The following SRPK2 variants were observed in gnomAD, a reference collection of about 807,000 sequenced individuals.
The protein encoded by SRPK2 is SFRS protein kinase 2.
In SRPK2, 21 loss-of-function variants were observed where a neutral mutation model predicts 90.8. The observed-to-expected ratio is 0.23, with a 90% CI of 0.16 to 0.33. SRPK2 has a LOEUF of 0.33. Ranked by LOEUF, SRPK2 falls within the 10% of genes least tolerant of loss-of-function variation. SRPK2 has a pLI of 1.00. For missense variants in SRPK2, 620 were observed against 869.0 expected (o/e 0.71, Z 3.60); for synonymous variants, 288 against 311.1 (o/e 0.93, Z 0.78).
intron 2 of SRPK2, among the ~76,000 whole-genome samples, chr7:105,265,705 C>T (rs1035371657): frequency 1.3e-5 from 2 of 151,980 alleles, no homozygotes; most frequent in African/African-American, 4.8e-5. Context: ...ACCGACTCTA[C>T]TATATTCAAG....
chr7:105,231,946 C>T (rs1272482188), intron 2 of SRPK2, among the ~76,000 whole-genome samples: 1 of 152,202 alleles, frequency 6.6e-6, no homozygotes, highest in Non-Finnish European at 1.5e-5. Flanking sequence ...TAACCTTGAA[C>T]TCCTGGGCTC....
intron 15 of SRPK2, among the ~76,000 whole-genome samples, chr7:105,118,979 G>A (rs1253397539): frequency 3.3e-5 from 5 of 152,086 alleles, no homozygotes; most frequent in Admixed American, 6.5e-5. Flanking sequence ...TGAATAACTC[G>A]TTTTCTCTGC....
chr7:105,212,192 A>G (rs1796940775), intron 2 of SRPK2, among the ~76,000 whole-genome samples: 1 of 152,220 alleles, frequency 6.6e-6, no homozygotes, highest in Admixed American at 6.5e-5. Context: ...AAATATTACT[A>G]CTGAAATGGA....
chr7:105,348,745 A>G (rs1408973182), intron 2 of SRPK2, among the ~76,000 whole-genome samples: 1 of 151,914 alleles, frequency 6.6e-6, no homozygotes, highest in Non-Finnish European at 1.5e-5. Context: ...TTTTCTAACC[A>G]AACTAGTTCT....
intron 7 of SRPK2, among the ~76,000 whole-genome samples, chr7:105,151,754 T>C (rs991853193): frequency 1.3e-5 from 2 of 151,212 alleles, no homozygotes; most frequent in African/African-American, 4.9e-5. Flanking sequence ...GCTGGCACGA[T>C]GGCTCACACC....
In SRPK2 at chr7:105,345,979, G is replaced by A. The variant is rs114773504; in HGVS notation, c.71+42669C>T. Reference sequence around the variant, plus strand: ...CTGTTCGGTAGCAAAGGTTTAAAACGTTACATACTTCCCTCTCTCTGCTGA... The same window carrying A: ...CTGTTCGGTAGCAAAGGTTTAAAACATTACATACTTCCCTCTCTCTGCTGA... On this transcript the variant is annotated intron_variant, in intron 2 of 15. Transcript: ENST00000393651. Among the ~76,000 whole-genome samples the A allele has an allele frequency of 2.8e-3, 429 of 152,286 alleles. 4 individuals carry two copies. Among genetic ancestry groups the A allele is most frequent in the African/African-American group, 9.9e-3 (412 of 41,554 alleles).
Position 105,199,227 on chromosome 7 carries a change from C to A in SRPK2, c.229+4401G>T, listed in dbSNP as rs555943043. Among the ~76,000 whole-genome samples, 9 of 152,234 alleles carry A rather than the reference C, an allele frequency of 5.9e-5. No individual in the cohort carries two copies. In the South Asian group the frequency reaches 1.0e-3, roughly 18 times the overall value. On this transcript the variant is annotated intron_variant, in intron 3 of 15. Coordinates refer to ENST00000393651, the MANE Select transcript of SRPK2 (RefSeq NM_182692.3). ...CACAGGTGACTTCTGCCCTCCAACC[C>A]AAGTGTCTACATTTCCTGTGATGAA...
At chr7:105,149,448 A>G (rs1020716710) in intron 7 of SRPK2, among the ~76,000 whole-genome samples, 2 of 152,042 alleles carry the variant, frequency 1.3e-5, no homozygotes, top group Non-Finnish European at 2.9e-5. Context: ...CCCTCCTACT[A>G]CATTCCTTTT....
At chr7:105,122,510 C>G (rs756169865) in intron 15 of SRPK2, among the ~76,000 whole-genome samples, 67 of 152,104 alleles carry the variant, frequency 4.4e-4, no homozygotes, top group Non-Finnish European at 6.0e-4. Context: ...CAAATGCCCA[C>G]GAAAGAGCTT....
At chr7:105,262,459 A>G (rs1381834269) in intron 2 of SRPK2, among the ~76,000 whole-genome samples, 2 of 152,164 alleles carry the variant, frequency 1.3e-5, no homozygotes, top group Admixed American at 1.3e-4. Context: ...CTAAGCATCA[A>G]AAACTGCGGC....
At chr7:105,290,904 G>A (rs1247016356) in intron 2 of SRPK2, among the ~76,000 whole-genome samples, 2 of 150,032 alleles carry the variant, frequency 1.3e-5, no homozygotes, top group East Asian at 3.9e-4. Context: ...CGGGCGCGGT[G>A]GCGGGCGCCT....
rs374625077 is a variant in SRPK2 at position 105,305,872 on chromosome 7, A to T, written c.71+82776T>A. 6.6e-5 allele frequency among the ~76,000 whole-genome samples: 10 copies of T among 152,370 alleles called. No homozygotes were observed. In the South Asian group the frequency reaches 2.1e-3, roughly 32 times the overall value. On this transcript the variant is annotated intron_variant, in intron 2 of 15. Transcript: ENST00000393651. ...GTACGGGGAAAAGGCTAGACTGAGG[A>T]AAACAAGTTCTGGACTTTGAGGGAG...
At chr7:105,252,457 T>C (rs1332118595) in intron 2 of SRPK2, among the ~76,000 whole-genome samples, 1 of 152,192 alleles carries the variant, frequency 6.6e-6, no homozygotes, top group Non-Finnish European at 1.5e-5. Context: ...GGCGTTCTCA[T>C]CTGAAAAGAA....
At chr7:105,200,721 G>A (rs771698360) in intron 3 of SRPK2, among the ~76,000 whole-genome samples, 1 of 152,056 alleles carries the variant, frequency 6.6e-6, no homozygotes, top group Non-Finnish European at 1.5e-5. Context: ...TCACTACTGT[G>A]GCATCCCAAA....
chr7:105,353,334 G>C (rs866243635), intron 2 of SRPK2, among the ~76,000 whole-genome samples: 2 of 152,066 alleles, frequency 1.3e-5, no homozygotes, highest in Non-Finnish European at 1.5e-5. Flanking sequence ...TCCAGGTAAT[G>C]GTTTTGTTTT....
intron 3 of SRPK2, among the ~76,000 whole-genome samples, chr7:105,200,977 TA>T (rs1185973220): frequency 1.3e-5 from 2 of 152,210 alleles, no homozygotes. Flanking sequence ...TTGATGGTTG[TA>T]TTTTGATATA....
intron 2 of SRPK2, among the ~76,000 whole-genome samples, chr7:105,345,564 G>GT (rs1439373131): frequency 2.0e-5 from 3 of 152,166 alleles, no homozygotes; most frequent in Non-Finnish European, 4.4e-5. Context: ...TGTAACAATT[G>GT]TAAGTTATTA....
intron 11 of SRPK2, among the ~76,000 whole-genome samples, chr7:105,135,603 T>C (rs181103410): frequency 2.0e-5 from 3 of 152,166 alleles, no homozygotes; most frequent in African/African-American, 7.2e-5. Flanking sequence ...AGTAGCCGAG[T>C]TGGCTGTTAT....
At chr7:105,347,856 CAA>C (rs748447917) in intron 2 of SRPK2, among the ~76,000 whole-genome samples, 24 of 87,816 alleles carry the variant, frequency 2.7e-4, no homozygotes, top group Non-Finnish European at 2.6e-4. Context: ...GACTCCGTCT[CAA>C]AAAAAAAAAA....
Sources: allele counts gnomAD v4.1 joint callset (sites outside exome capture counted in the v4.1 genomes callset), GRCh38; gene constraint gnomAD v4.1.1; transcripts MANE v1.5; gene names NCBI Gene and HGNC (gene_info 2026-07-23, HGNC 2026-07-21).